The following EXT2 variants were observed in gnomAD, a reference collection of about 807,000 sequenced individuals.
EXT2 encodes exostosin glycosyltransferase 2.
Under a neutral mutation model 81.6 loss-of-function variants are expected in EXT2, and 53 were observed. The ratio of observed to expected loss-of-function variants is 0.65; its 90% confidence interval spans 0.52 to 0.82. The LOEUF (loss-of-function observed/expected upper bound fraction) is 0.82, where lower values mean the gene tolerates loss of function less well. EXT2 is among the 40% of genes least tolerant of loss of function. EXT2 has a pLI of 0.00. For synonymous variants in EXT2, 320 were observed against 340.0 expected (o/e 0.94, Z 0.65); for missense variants, 774 against 910.2 (o/e 0.85, Z 1.93).
chr11:44,107,844 G>A lies in EXT2; in HGVS notation c.132G>A (p.Gln44=), dbSNP rs199574918. 2 of 1,614,062 alleles carry A rather than the reference G, an allele frequency of 1.2e-6. No individual in the cohort carries two copies. The highest frequency in any genetic ancestry group is 2.2e-5 in the South Asian group (2 of 91,086). The change falls in exon 2 of 14, where the codon CAG becomes CAA. Residue 44 remains glutamine, a synonymous_variant. Transcript: ENST00000533608. The stretch of plus-strand genomic sequence containing the variant: ...GCCTCATTGCCACTGGCATGTTTCA[G>A]TTTTGGCCCCATTCTATCGAGTCCT... The part of the protein sequence containing the change: ...LLGLIATGMF[Q]FWPHSIESSN...
chr11:44,243,898 T>A (rs1270370173), intron 13 of EXT2, among the ~76,000 whole-genome samples: 9 of 152,120 alleles, frequency 5.9e-5, no homozygotes, highest in Admixed American at 2.0e-4. Context: ...CCAAGCAGCA[T>A]CTCCTGTTCA....
chr11:44,249,591 T>C lies in EXT2; in HGVS notation c.*5304T>C, dbSNP rs1362844880. On this transcript the variant is annotated 3_prime_UTR_variant, in exon 14 of 14. Transcript: ENST00000533608. ...TATAGAACCTTCCCTTTAGAATATA[T>C]TTATTTGGAATTTTACTTATAGCTG... Among the ~76,000 whole-genome samples the C allele has an allele frequency of 1.3e-5, 2 of 152,182 alleles. No individual in the cohort carries two copies. Among genetic ancestry groups the C allele is most frequent in the African/African-American group, 2.4e-5 (1 of 41,460 alleles).
chr11:44,223,231 T>C (rs1465418190), intron 10 of EXT2, among the ~76,000 whole-genome samples: 1 of 152,260 alleles, frequency 6.6e-6, no homozygotes, highest in African/African-American at 2.4e-5. Context: ...TAGTTTCTTA[T>C]AAAATTAAAC....
chr11:44,194,015 G>A (rs1037304484), intron 8 of EXT2, among the ~76,000 whole-genome samples: 3 of 152,198 alleles, frequency 2.0e-5, no homozygotes, highest in African/African-American at 7.2e-5. Context: ...GTCCCTGGCA[G>A]CTCCTTGAAA....
intron 7 of EXT2, among the ~76,000 whole-genome samples, chr11:44,167,473 T>G (rs1170150977): frequency 6.6e-6 from 1 of 152,196 alleles, no homozygotes; most frequent in African/African-American, 2.4e-5. Flanking sequence ...GACCACACTT[T>G]AAGCATAAGG....
chr11:44,240,890 G>C (rs1006182721), intron 13 of EXT2, among the ~76,000 whole-genome samples: 3 of 152,162 alleles, frequency 2.0e-5, no homozygotes, highest in African/African-American at 7.2e-5. Flanking sequence ...GTCTTTGGCT[G>C]GTCTCCTGGC....
chr11:44,225,612 T>C (rs1018350460), intron 10 of EXT2, among the ~76,000 whole-genome samples: 2 of 152,200 alleles, frequency 1.3e-5, no homozygotes, highest in Non-Finnish European at 2.9e-5. Context: ...GTTTTTGACA[T>C]CATAATCTGA....
At chr11:44,195,637 C>G (rs538023584) in intron 8 of EXT2, among the ~76,000 whole-genome samples, 1 of 152,248 alleles carries the variant, frequency 6.6e-6, no homozygotes, top group East Asian at 1.9e-4. Context: ...TTACATCTGG[C>G]AGACAGCTGT....
intron 8 of EXT2, among the ~76,000 whole-genome samples, chr11:44,182,436 G>C (rs953888945): frequency 1.3e-5 from 2 of 151,836 alleles, no homozygotes; most frequent in East Asian, 3.9e-4. Context: ...GCTTTGCCAT[G>C]TAGGTTATTG....
At position 44,130,156 on chromosome 11, in the gene EXT2, G is replaced by A. The variant is rs760436963; in HGVS notation, c.1173+18G>A. ...AGAGACAGGTAAGAGGCCAAGTCTT[G>A]GGGAGGTGACATGGGTGGTACCGAA... On this transcript the variant is annotated intron_variant, in intron 7 of 13. Coordinates refer to ENST00000533608, the MANE Select transcript of EXT2 (RefSeq NM_207122.2). 1.4e-5 allele frequency: 22 copies of A among 1,603,834 alleles called. No homozygotes were observed. The highest frequency in any genetic ancestry group is 1.7e-5 in the Non-Finnish European group (20 of 1,170,748).
intron 7 of EXT2, among the ~76,000 whole-genome samples, chr11:44,137,621 TC>T (rs1488435385): frequency 2.0e-5 from 3 of 152,170 alleles, no homozygotes; most frequent in African/African-American, 4.8e-5. Context: ...GTAGCCTTGG[TC>T]TGTCTTGTCT....
chr11:44,236,431 T>G (rs1955966209), intron 13 of EXT2, 56 bp downstream of exon 13: 1 of 1,512,718 alleles, frequency 6.6e-7, no homozygotes, highest in Admixed American at 1.7e-5. Flanking sequence ...ATTTCCTGCC[T>G]TAGGCCTGTT....
chr11:44,130,119 T>C lies in EXT2; in HGVS notation c.1154T>C (p.Ile385Thr). 1 of 1,613,878 alleles carries C rather than the reference T, an allele frequency of 6.2e-7. No homozygotes were observed. The highest frequency in any genetic ancestry group is 1.1e-5 in the South Asian group (1 of 91,056). Residue 385 changes from isoleucine (I) to threonine (T), a missense_variant, in exon 7 of 14, where the codon ATT (isoleucine) becomes ACT (threonine). Around this residue, in one of 2 missense-constraint regions of EXT2, gnomAD observed 626 missense variants for 670.5 expected, o/e 0.93. Transcript: ENST00000533608. ...SILQSIPQRQ[I>T]EEMQRQARWF... ...TTGCAGAGCATCCCCCAAAGACAGA[T>C]TGAAGAAATGCAGAGACAGGTAAGA... is the stretch of plus-strand genomic sequence containing the variant.
rs115227621 is a variant in EXT2 at position 44,181,639 on chromosome 11, G to T, written c.1305+9897G>T. ...TTTTGTTTACTTTTAAAATCTGAGA[G>T]TTTTTTTCCTGGACTTCTAGTTAAT... On this transcript the variant is annotated intron_variant, in intron 8 of 13. Transcript: ENST00000533608. 5.1e-3 allele frequency among the ~76,000 whole-genome samples: 775 copies of T among 152,074 alleles called. 7 individuals are homozygous for T. Among genetic ancestry groups the T allele is most frequent in the African/African-American group, 0.018 (730 of 41,492 alleles).
intron 8 of EXT2, among the ~76,000 whole-genome samples, chr11:44,197,373 C>T (rs1955467267): frequency 6.6e-6 from 1 of 152,164 alleles, no homozygotes; most frequent in Non-Finnish European, 1.5e-5. Context: ...TGCCTCCCCT[C>T]CTGGTAGGTG....
chr11:44,191,485 C>T (rs1955391181), intron 8 of EXT2, among the ~76,000 whole-genome samples: 1 of 152,208 alleles, frequency 6.6e-6, no homozygotes, highest in Non-Finnish European at 1.5e-5. Context: ...GTTTTATGCC[C>T]TATCTTGCCA....
At chr11:44,120,923 C>T (rs566572334) in intron 4 of EXT2, among the ~76,000 whole-genome samples, 1 of 152,296 alleles carries the variant, frequency 6.6e-6, no homozygotes, top group Non-Finnish European at 1.5e-5. Context: ...TGGGAGGAGA[C>T]ATGAAAGCTA....
chr11:44,224,091 C>A (rs1397167820), intron 10 of EXT2, among the ~76,000 whole-genome samples: 1 of 152,096 alleles, frequency 6.6e-6, no homozygotes, highest in East Asian at 1.9e-4. Flanking sequence ...CTGGGTAAAG[C>A]GTATACAGGC....
intron 7 of EXT2, among the ~76,000 whole-genome samples, chr11:44,136,193 T>G (rs1483739850): frequency 1.3e-5 from 2 of 152,250 alleles, no homozygotes; most frequent in Non-Finnish European, 2.9e-5. Flanking sequence ...GTCTGTTATG[T>G]CCATGACAGT....
Sources: allele counts gnomAD v4.1 joint callset (sites outside exome capture counted in the v4.1 genomes callset), GRCh38; gene constraint gnomAD v4.1.1; regional missense constraint gnomAD v4.1.1; transcripts MANE v1.5; gene names NCBI Gene and HGNC (gene_info 2026-07-23, HGNC 2026-07-21).